ABTB3: variants seen among roughly 807,000 people sequenced by gnomAD.
ABTB3 encodes ankyrin repeat- and BTB/POZ domain-containing protein 3.
At chr12:107,618,279 A>C in the ABTB3 span, 1 of 1,613,950 alleles carries the variant, frequency 6.2e-7, no homozygotes, top group Non-Finnish European at 8.5e-7. Context: ...CTTGTGCGCC[A>C]GCCGCAACAG....
chr12:107,550,992 A>T, the ABTB3 span, among the ~76,000 whole-genome samples: 1 of 152,224 alleles, frequency 6.6e-6, no homozygotes, highest in Non-Finnish European at 1.5e-5. Flanking sequence ...TGGCTTACAC[A>T]TCACAGTTGA....
chr12:107,495,044 G>T, the ABTB3 span, among the ~76,000 whole-genome samples: 1 of 152,272 alleles, frequency 6.6e-6, no homozygotes, highest in Admixed American at 6.5e-5. Context: ...CAGCAACCAG[G>T]GGAAGGTAGG....
chr12:107,458,855 C>A, the ABTB3 span, among the ~76,000 whole-genome samples: 2 of 152,148 alleles, frequency 1.3e-5, no homozygotes, highest in Non-Finnish European at 2.9e-5. Flanking sequence ...GGGAATGAGG[C>A]CCTTCTCCTT....
At chr12:107,331,924 T>C in the ABTB3 span, among the ~76,000 whole-genome samples, 4 of 151,948 alleles carry the variant, frequency 2.6e-5, no homozygotes, top group Non-Finnish European at 5.9e-5. Flanking sequence ...GTCCGCTGGC[T>C]GCTCTCGCTG....
At chr12:107,374,853 G>C in the ABTB3 span, 1 of 152,872 alleles carries the variant, frequency 6.5e-6, no homozygotes, top group African/African-American at 2.4e-5. Flanking sequence ...AAACCATTTA[G>C]GAGTAGCTTT....
the ABTB3 span, among the ~76,000 whole-genome samples, chr12:107,482,981 TTTCTTTCCTTCCTTCCTTCCTTCC>T: frequency 1.2e-4 from 4 of 33,658 alleles, no homozygotes; most frequent in African/African-American, 4.1e-4. Context: ...TCTTTCTTTC[TTTCTTTCCTTCCTTCCTTCCTTCC>T]TTCTTTCCTT....
At chr12:107,362,265 G>A in the ABTB3 span, among the ~76,000 whole-genome samples, 9,522 of 152,278 alleles carry the variant, frequency 0.063, 330 homozygotes, top group African/African-American at 0.084. Flanking sequence ...CTATGGTAAT[G>A]CTGGAGATCA....
At chr12:107,410,222 T>C in the ABTB3 span, among the ~76,000 whole-genome samples, 2 of 134,390 alleles carry the variant, frequency 1.5e-5, no homozygotes, top group Non-Finnish European at 3.0e-5. Context: ...ATGATCAGAA[T>C]TGTTAAAAAA....
chr12:107,622,242 G>A, the ABTB3 span, among the ~76,000 whole-genome samples: 5 of 152,262 alleles, frequency 3.3e-5, no homozygotes, highest in African/African-American at 1.2e-4. Flanking sequence ...CGGGTAGGTG[G>A]AGGTTAAAAA....
the ABTB3 span, among the ~76,000 whole-genome samples, chr12:107,548,751 G>A: frequency 6.6e-6 from 1 of 152,186 alleles, no homozygotes; most frequent in African/African-American, 2.4e-5. Context: ...TGATGGGAGG[G>A]GCCATGTGAG....
chr12:107,518,267 A>G, the ABTB3 span, among the ~76,000 whole-genome samples: 5 of 152,154 alleles, frequency 3.3e-5, no homozygotes, highest in East Asian at 5.8e-4. Flanking sequence ...CTGGGTATAT[A>G]CCCAAAGGAT....
the ABTB3 span, among the ~76,000 whole-genome samples, chr12:107,575,657 A>G: frequency 2.0e-5 from 3 of 152,078 alleles, no homozygotes; most frequent in Non-Finnish European, 4.4e-5. Context: ...TACCTAGCTC[A>G]TGGCCCCTTC....
the ABTB3 span, among the ~76,000 whole-genome samples, chr12:107,418,334 C>T: frequency 2.6e-5 from 4 of 152,218 alleles, no homozygotes; most frequent in Admixed American, 6.5e-5. Context: ...CCTTGCTCCA[C>T]AGCTTGCAGA....
chr12:107,654,815 T>TACACACACACACAC, the ABTB3 span, among the ~76,000 whole-genome samples: 674 of 141,240 alleles, frequency 4.8e-3, 10 homozygotes, highest in African/African-American at 0.017. Context: ...CTACATTGTA[T>TACACACACACACAC]ACACACACAC....
At chr12:107,629,549 G>A in the ABTB3 span, among the ~76,000 whole-genome samples, 1 of 152,268 alleles carries the variant, frequency 6.6e-6, no homozygotes, top group Non-Finnish European at 1.5e-5. Flanking sequence ...TGAATGGCAA[G>A]TACCCAGCAG....
the ABTB3 span, among the ~76,000 whole-genome samples, chr12:107,624,134 T>C: frequency 7.1e-4 from 108 of 151,684 alleles, 1 homozygote; most frequent in Non-Finnish European, 1.3e-4. Context: ...TTTTCTTCTA[T>C]GTGTAATGAA....
chr12:107,414,722 C>T, the ABTB3 span, among the ~76,000 whole-genome samples: 34,060 of 139,536 alleles, frequency 0.24, 4,706 homozygotes, highest in East Asian at 0.53. Flanking sequence ...TTTTCTTTTT[C>T]TTTTTTTTTT....
the ABTB3 span, among the ~76,000 whole-genome samples, chr12:107,637,901 T>C: frequency 2.0e-5 from 3 of 151,236 alleles, no homozygotes; most frequent in African/African-American, 7.3e-5. Flanking sequence ...GTAGAGGATA[T>C]TAACAGTCTG....
At chr12:107,341,420 G>A in the ABTB3 span, among the ~76,000 whole-genome samples, 3 of 152,170 alleles carry the variant, frequency 2.0e-5, no homozygotes, top group African/African-American at 7.2e-5. Flanking sequence ...CATTGACCAA[G>A]TCAGTGCAAG....
Sources: gnomAD v4.1 joint callset for allele counts (sites outside exome capture counted in the v4.1 genomes callset) on GRCh38, gnomAD v4.1.1 for gene constraint, MANE v1.5 for transcripts, NCBI Gene and HGNC (gene_info 2026-07-23, HGNC 2026-07-21) for gene names.